The following AK5 variants were observed in gnomAD, a reference collection of about 807,000 sequenced individuals.
The protein encoded by AK5 is adenylate kinase isoenzyme 5.
A neutral mutation model predicts 69.5 loss-of-function variants in AK5; 27 were observed. The ratio of observed to expected loss-of-function variants is 0.39; its 90% CI spans 0.29 to 0.54. The LOEUF (loss-of-function observed/expected upper bound fraction) is 0.54, where lower values mean the gene tolerates loss of function less well. AK5 is among the 20% of genes least tolerant of loss of function. The probability of loss-of-function intolerance (pLI) is 0.71; values close to 1 mark genes in which losing one functional copy is unlikely to be tolerated. For missense variants in AK5, 531 were observed against 700.4 expected (o/e 0.76, Z 2.73); for synonymous variants, 260 against 244.4 (o/e 1.06, Z -0.60).
At chr1:77,362,521 T>C (rs975493601) in intron 6 of AK5, among the ~76,000 whole-genome samples, 5 of 152,190 alleles carry the variant, frequency 3.3e-5, no homozygotes, top group African/African-American at 1.2e-4. Context: ...TACTTCCTTA[T>C]TGTATACCAA....
At chr1:77,347,208 C>T (rs1043303308) in intron 6 of AK5, among the ~76,000 whole-genome samples, 3 of 152,208 alleles carry the variant, frequency 2.0e-5, no homozygotes, top group Admixed American at 6.5e-5. Flanking sequence ...CCCTAAATTG[C>T]TTTTCAGTTG....
chr1:77,379,861 T>C (rs1647503311), intron 6 of AK5, among the ~76,000 whole-genome samples: 1 of 152,220 alleles, frequency 6.6e-6, no homozygotes, highest in Non-Finnish European at 1.5e-5. Context: ...TCTGGGTCAG[T>C]ATTTAACATA....
At chr1:77,309,443 C>T (rs2100287057) in intron 5 of AK5, among the ~76,000 whole-genome samples, 1 of 152,250 alleles carries the variant, frequency 6.6e-6, no homozygotes, top group Middle Eastern at 3.4e-3. Context: ...TCTGCTCCTG[C>T]TCTTTCCTCA....
intron 5 of AK5, among the ~76,000 whole-genome samples, chr1:77,326,015 A>G (rs899795056): frequency 2.0e-5 from 3 of 152,176 alleles, no homozygotes; most frequent in African/African-American, 7.2e-5. Context: ...TATATGTAGG[A>G]TGTGCAAGAA....
intron 12 of AK5, among the ~76,000 whole-genome samples, chr1:77,528,679 T>G (rs1359687988): frequency 1.3e-5 from 2 of 152,198 alleles, no homozygotes; most frequent in Non-Finnish European, 2.9e-5. Flanking sequence ...AGGGGCTGTG[T>G]ATATGTACAT....
chr1:77,448,589 C>T (rs1185860691), intron 8 of AK5, among the ~76,000 whole-genome samples: 1 of 152,208 alleles, frequency 6.6e-6, no homozygotes, highest in Non-Finnish European at 1.5e-5. Context: ...GCCTTGCTCA[C>T]CCTCCAGTTT....
chr1:77,499,539 C>A (rs1381306212), intron 10 of AK5, among the ~76,000 whole-genome samples: 1 of 152,146 alleles, frequency 6.6e-6, no homozygotes, highest in East Asian at 1.9e-4. Flanking sequence ...TTGCGTATGA[C>A]CCTGTTTGGA....
intron 3 of AK5, among the ~76,000 whole-genome samples, chr1:77,296,089 T>C (rs1658986483): frequency 6.6e-6 from 1 of 152,166 alleles, no homozygotes; most frequent in African/African-American, 2.4e-5. Context: ...TCTGAGAGAA[T>C]TGGGACAATT....
chr1:77,494,011 G>A (rs1319777541), intron 10 of AK5, among the ~76,000 whole-genome samples: 1 of 152,148 alleles, frequency 6.6e-6, no homozygotes. Context: ...AAAGAACCGT[G>A]AAATTCAAAA....
intron 8 of AK5, among the ~76,000 whole-genome samples, chr1:77,482,653 T>C (rs117640136): frequency 0.01 from 1,539 of 151,898 alleles, 34 homozygotes; most frequent in East Asian, 0.078. Flanking sequence ...CATGCCTGTA[T>C]TGCCAGGTAC....
chr1:77,285,408 T>C (rs1449081142), intron 1 of AK5, among the ~76,000 whole-genome samples: 1 of 152,188 alleles, frequency 6.6e-6, no homozygotes, highest in East Asian at 1.9e-4. Flanking sequence ...GCTTACTCTA[T>C]TTAGGATTTC....
chr1:77,378,293 T>C (rs1377021822), intron 6 of AK5, among the ~76,000 whole-genome samples: 1 of 152,208 alleles, frequency 6.6e-6, no homozygotes, highest in Non-Finnish European at 1.5e-5. Flanking sequence ...ACTTACATTG[T>C]AAGGTCCTTA....
chr1:77,322,768 A>G (rs1660601098), intron 5 of AK5, among the ~76,000 whole-genome samples: 1 of 152,142 alleles, frequency 6.6e-6, no homozygotes, highest in Non-Finnish European at 1.5e-5. Flanking sequence ...CCTAAGCAAT[A>G]AAAAAGGTCG....
intron 6 of AK5, among the ~76,000 whole-genome samples, chr1:77,403,654 A>G (rs1205322731): frequency 1.3e-5 from 2 of 152,136 alleles, no homozygotes; most frequent in African/African-American, 2.4e-5. Flanking sequence ...CCACTGGTCT[A>G]TATCTCTGTT....
chr1:77,457,555 C>T (rs1653570304), intron 8 of AK5, among the ~76,000 whole-genome samples: 1 of 152,036 alleles, frequency 6.6e-6, no homozygotes, highest in African/African-American at 2.4e-5. Context: ...CTCTTTCTTT[C>T]TTTAACTGTT....
At chr1:77,428,396 A>T (rs536084034) in intron 8 of AK5, among the ~76,000 whole-genome samples, 1 of 152,226 alleles carries the variant, frequency 6.6e-6, no homozygotes, top group Non-Finnish European at 1.5e-5. Flanking sequence ...AGCTTCAGCT[A>T]TCCAGAGGAA....
chr1:77,375,974 G>A (rs1418974886), intron 6 of AK5, among the ~76,000 whole-genome samples: 4 of 152,200 alleles, frequency 2.6e-5, no homozygotes, highest in Admixed American at 2.6e-4. Flanking sequence ...CTGAGAGAAT[G>A]AAGGTACAAA....
At chr1:77,391,525 A>ATATATATATATATATG (rs146163792) in intron 6 of AK5, among the ~76,000 whole-genome samples, 18 of 121,704 alleles carry the variant, frequency 1.5e-4, no homozygotes, top group South Asian at 7.8e-4. Flanking sequence ...ATATATATAT[A>ATATATATATATATATG]TATCTCCTCA....
chr1:77,435,712 A>G (rs147088581), intron 8 of AK5, among the ~76,000 whole-genome samples: 3 of 152,130 alleles, frequency 2.0e-5, no homozygotes, highest in Non-Finnish European at 4.4e-5. Flanking sequence ...AAAATCAAAG[A>G]CTTTCACAAA....
Sources: gnomAD v4.1 joint callset for allele counts (sites outside exome capture counted in the v4.1 genomes callset) on GRCh38, gnomAD v4.1.1 for gene constraint, MANE v1.5 for transcripts, NCBI Gene and HGNC (gene_info 2026-07-23, HGNC 2026-07-21) for gene names.